Variants in EIF4E2 observed in about 807,000 individuals in gnomAD.
EIF4E2 encodes the protein eukaryotic translation initiation factor 4E type 2.
EIF4E2 carries 13 observed loss-of-function variants against 34.2 expected under a neutral mutation model. The ratio of observed to expected loss-of-function variants is 0.38; its 90% CI spans 0.25 to 0.60. The LOEUF (loss-of-function observed/expected upper bound fraction) is 0.60. Ranked by LOEUF, EIF4E2 falls within the 20% of genes least tolerant of loss-of-function variation. The probability of loss-of-function intolerance (pLI) is 0.62; values close to 1 mark genes in which losing one functional copy is unlikely to be tolerated. For synonymous variants in EIF4E2, 100 were observed against 106.6 expected (o/e 0.94, Z 0.38); for missense variants, 222 against 315.1 (o/e 0.70, Z 2.24).
downstream of EIF4E2, among the ~76,000 whole-genome samples, chr2:232,569,527 G>T (rs1449257891): frequency 2.0e-5 from 3 of 152,218 alleles, no homozygotes; most frequent in Non-Finnish European, 4.4e-5. Flanking sequence ...AGTCTGTTCA[G>T]GTTGGAAAGG....
intron 6 of EIF4E2, chr2:232,580,798 T>C (rs1318415442): frequency 1.1e-5 from 11 of 1,027,824 alleles, no homozygotes; most frequent in Non-Finnish European, 1.6e-5. Flanking sequence ...GGATATGTCA[T>C]GGAGACCCCG....
intron 6 of EIF4E2, among the ~76,000 whole-genome samples, chr2:232,577,619 A>C (rs1693252972): frequency 6.6e-6 from 1 of 152,250 alleles, no homozygotes; most frequent in African/African-American, 2.4e-5. Context: ...GTATTTGGAC[A>C]ACGATTTTCC....
chr2:232,564,694 G>T (rs558298280), intron 4 of EIF4E2, among the ~76,000 whole-genome samples: 2 of 152,252 alleles, frequency 1.3e-5, no homozygotes, highest in African/African-American at 4.8e-5. Context: ...CTCGTGATCC[G>T]CCCGCCTTGG....
intron 1 of EIF4E2, 81 bp downstream of exon 1, chr2:232,550,825 C>G: frequency 2.2e-6 from 3 of 1,353,548 alleles, no homozygotes; most frequent in Non-Finnish European, 3.0e-6. Flanking sequence ...TGGGGCGGCG[C>G]AAACCCTGCG....
chr2:232,568,073 G>T, intron 6 of EIF4E2: 2 of 985,366 alleles, frequency 2.0e-6, no homozygotes, highest in Non-Finnish European at 1.2e-6. Context: ...CAAGGCTATT[G>T]TGAGGCTGAT....
intron 3 of EIF4E2, among the ~76,000 whole-genome samples, chr2:232,561,912 A>C (rs549766140): frequency 6.6e-6 from 1 of 151,766 alleles, no homozygotes; most frequent in African/African-American, 2.4e-5. Context: ...CAAATCTTTT[A>C]AAGTTTAATA....
intron 6 of EIF4E2, chr2:232,568,332 A>G (rs1166806484): frequency 7.1e-6 from 7 of 985,282 alleles, no homozygotes; most frequent in African/African-American, 1.7e-5. Context: ...GAACACTGCT[A>G]TGGGCGTTGG....
chr2:232,557,461 T>C (rs2106237711), intron 2 of EIF4E2: 1 of 179,044 alleles, frequency 5.6e-6, no homozygotes, highest in Non-Finnish European at 1.2e-5. Context: ...GCATTGTATA[T>C]CCACTGATTC....
downstream of EIF4E2, among the ~76,000 whole-genome samples, chr2:232,571,013 G>C (rs1473110845): frequency 6.6e-6 from 1 of 152,238 alleles, no homozygotes; most frequent in African/African-American, 2.4e-5. Flanking sequence ...TCTGGAGATA[G>C]GGCTGCTGGT....
chr2:232,553,483 C>T (rs1479593807), intron 1 of EIF4E2, among the ~76,000 whole-genome samples: 1 of 152,170 alleles, frequency 6.6e-6, no homozygotes, highest in Admixed American at 6.5e-5. Context: ...AAGGTCCTGC[C>T]CACAAGGTAT....
intron 1 of EIF4E2, among the ~76,000 whole-genome samples, chr2:232,551,645 C>T (rs1039868365): frequency 1.3e-5 from 2 of 152,172 alleles, no homozygotes; most frequent in African/African-American, 4.8e-5. Flanking sequence ...TGCTGCCACG[C>T]CGGGGTGTGA....
chr2:232,574,061 C>T (rs555832569), downstream of EIF4E2: 27 of 711,228 alleles, frequency 3.8e-5, no homozygotes, highest in Admixed American at 1.0e-4. Context: ...CAGAAGTGCC[C>T]GCTGGCCCTG....
chr2:232,568,595 C>T (rs1252011354), intron 6 of EIF4E2: 12 of 985,422 alleles, frequency 1.2e-5, no homozygotes, highest in Non-Finnish European at 1.4e-5. Context: ...CACTTACCCC[C>T]AAAATAAGCT....
intron 6 of EIF4E2, among the ~76,000 whole-genome samples, chr2:232,579,719 G>T (rs935163939): frequency 6.6e-6 from 1 of 152,096 alleles, no homozygotes; most frequent in Non-Finnish European, 1.5e-5. Context: ...CCAGCATTTT[G>T]GGAGACCATG....
At chr2:232,570,810 C>T (rs1207176657), downstream of EIF4E2, among the ~76,000 whole-genome samples, 2 of 152,128 alleles carry the variant, frequency 1.3e-5, no homozygotes, top group African/African-American at 2.4e-5. Flanking sequence ...GTGGCAGGTG[C>T]CTATAATCTC....
chr2:232,571,687 CT>C (rs961644223), downstream of EIF4E2, among the ~76,000 whole-genome samples: 1 of 152,152 alleles, frequency 6.6e-6, no homozygotes, highest in Non-Finnish European at 1.5e-5. Flanking sequence ...ATTGTGGAGG[CT>C]TTCCCACATC....
exon 7 of EIF4E2, chr2:232,582,952 A>G (rs1347200309): frequency 2.0e-5 from 3 of 152,214 alleles, no homozygotes; most frequent in African/African-American, 7.2e-5. Context: ...GCAAGGGGTT[A>G]TGCCTGTTAG....
At chr2:232,570,157 C>T (rs1404047113), downstream of EIF4E2, among the ~76,000 whole-genome samples, 1 of 152,124 alleles carries the variant, frequency 6.6e-6, no homozygotes, top group Non-Finnish European at 1.5e-5. Flanking sequence ...GCAGTGATAC[C>T]CTGTGCTTGT....
At chr2:232,562,602 C>CA (rs929446583) in intron 3 of EIF4E2, among the ~76,000 whole-genome samples, 2 of 151,850 alleles carry the variant, frequency 1.3e-5, no homozygotes, top group African/African-American at 4.8e-5. Context: ...AAAAAACAAA[C>CA]AAAAAAAAGA....
Sources: allele counts gnomAD v4.1 joint callset (sites outside exome capture counted in the v4.1 genomes callset), GRCh38; gene constraint gnomAD v4.1.1; transcripts MANE v1.5; gene names NCBI Gene and HGNC (gene_info 2026-07-23, HGNC 2026-07-21).